The following PLSCR4 variants were observed in gnomAD, a reference collection of about 807,000 sequenced individuals.
PLSCR4 encodes phospholipid scramblase 4.
In PLSCR4, 25 loss-of-function variants were observed where a neutral mutation model predicts 36.3. The observed-to-expected ratio is 0.69, with a 90% CI of 0.50 to 0.96. The LOEUF is 0.96. PLSCR4 is among the 40% of genes least tolerant of loss of function. PLSCR4 has a pLI of 0.00. For missense variants in PLSCR4, 408 were observed against 414.7 expected, an observed-to-expected ratio of 0.98 and a Z score of 0.14; for synonymous variants, 122 against 132.9, an observed-to-expected ratio of 0.92 and a Z score of 0.56.
At chr3:146,233,371 T>C (rs1474639930) in intron 1 of PLSCR4, among the ~76,000 whole-genome samples, 1 of 152,136 alleles carries the variant, frequency 6.6e-6, no homozygotes, top group Non-Finnish European at 1.5e-5. Flanking sequence ...ACAGTCATAT[T>C]TCAAAATTTT....
At chr3:146,203,266 G>T (rs977445852) in intron 4 of PLSCR4, among the ~76,000 whole-genome samples, 7 of 152,010 alleles carry the variant, frequency 4.6e-5, no homozygotes, top group African/African-American at 1.7e-4. Flanking sequence ...CTGCAGAATG[G>T]ATGTTGTGTT....
intron 6 of PLSCR4, among the ~76,000 whole-genome samples, chr3:146,197,031 T>C (rs148792275): frequency 9.7e-4 from 147 of 152,250 alleles, no homozygotes; most frequent in Middle Eastern, 6.8e-3. Context: ...TTAGGGCTTG[T>C]TACATAATGG....
Position 146,247,626 on chromosome 3 carries a change from T to C in PLSCR4, c.-22+3334A>G, listed in dbSNP as rs376390140. 2.8e-4 allele frequency among the ~76,000 whole-genome samples: 43 copies of C among 152,282 alleles called. No homozygotes were observed. In the South Asian group the frequency reaches 8.9e-3, roughly 32 times the overall value. On this transcript the variant is annotated intron_variant, in intron 1 of 8. Transcript: ENST00000354952. ...ATTTGTCTTCACTGCATTTTTGTCATGCAGTTTTATTTTTGAGGCAGGGTC... is the reference window on the plus strand; with the variant it reads ...ATTTGTCTTCACTGCATTTTTGTCACGCAGTTTTATTTTTGAGGCAGGGTC...
intron 8 of PLSCR4, 83 bp from the exon 9 acceptor site, chr3:146,194,538 G>A (rs2033608827): frequency 6.0e-6 from 5 of 832,876 alleles, no homozygotes. Context: ...AATTTATTAG[G>A]GGATTCCCCC....
At chr3:146,216,167 G>T (rs927907915) in intron 3 of PLSCR4, among the ~76,000 whole-genome samples, 6 of 152,122 alleles carry the variant, frequency 3.9e-5, no homozygotes, top group African/African-American at 1.4e-4. Flanking sequence ...GGAAGCGGAG[G>T]TTACAGTTAG....
chr3:146,248,206 C>T (rs572516788), intron 1 of PLSCR4, among the ~76,000 whole-genome samples: 1 of 151,916 alleles, frequency 6.6e-6, no homozygotes, highest in African/African-American at 2.4e-5. Flanking sequence ...AAAGAGGACA[C>T]TTATAAAAGA....
At position 146,200,448 on chromosome 3, in the gene PLSCR4, A is replaced by T. The variant is rs748700166; in HGVS notation, c.398-409T>A. ...TTACTAATTACAAACAAGAGAACAA[A>T]CCAAGAAAAGTCAAAGGCCCTATGT... On this transcript the variant is annotated intron_variant, in intron 5 of 8. Coordinates refer to ENST00000354952, the MANE Select transcript of PLSCR4 (RefSeq NM_020353.3). 4.3e-4 allele frequency among the ~76,000 whole-genome samples: 66 copies of T among 152,102 alleles called. 1 individual carries two copies. Among genetic ancestry groups the T allele is most frequent in the Non-Finnish European group, 7.2e-4 (49 of 68,002 alleles).
Position 146,221,452 on chromosome 3 carries a change from A to T in PLSCR4, c.8-527T>A, listed in dbSNP as rs577202111. 3.3e-5 allele frequency among the ~76,000 whole-genome samples: 5 copies of T among 152,276 alleles called. 1 individual carries two copies. The South Asian group carries it at 1.0e-3, about 32-fold the overall frequency. On this transcript the variant is annotated intron_variant, in intron 2 of 8. Transcript: ENST00000354952. The stretch of plus-strand genomic sequence containing the variant: ...TACATCTCCAGTGACTCACATTTTC[A>T]CTGTATTCTTTCTAAAAGCAATCTA...
chr3:146,236,700 G>A (rs1394076632), intron 1 of PLSCR4, among the ~76,000 whole-genome samples: 2 of 152,072 alleles, frequency 1.3e-5, no homozygotes. Context: ...ATGTGGAACC[G>A]TAAGACCGTT....
chr3:146,205,929 T>C (rs950935431), intron 4 of PLSCR4, among the ~76,000 whole-genome samples: 3 of 152,134 alleles, frequency 2.0e-5, no homozygotes, highest in African/African-American at 7.2e-5. Flanking sequence ...ACCCCAGTTT[T>C]TGATCTGCAT....
At chr3:146,244,668 C>A (rs1277525225) in intron 1 of PLSCR4, among the ~76,000 whole-genome samples, 1 of 152,006 alleles carries the variant, frequency 6.6e-6, no homozygotes, top group Non-Finnish European at 1.5e-5. Flanking sequence ...AACTATTCTC[C>A]CATCTCTCCC....
chr3:146,197,902 A>G (rs115744442), intron 6 of PLSCR4, among the ~76,000 whole-genome samples: 1,621 of 152,282 alleles, frequency 0.011, 18 homozygotes, highest in African/African-American at 0.035. Flanking sequence ...ATTTGAGAGT[A>G]TCATAGAGCT....
At chr3:146,213,532 A>G (rs2034734034) in intron 3 of PLSCR4, among the ~76,000 whole-genome samples, 1 of 152,114 alleles carries the variant, frequency 6.6e-6, no homozygotes, top group Non-Finnish European at 1.5e-5. Context: ...CATGTTGGTC[A>G]GGCTGGTCTC....
chr3:146,196,865 C>A, intron 6 of PLSCR4, 72 bp from the exon 7 acceptor site: 2 of 1,307,556 alleles, frequency 1.5e-6, no homozygotes, highest in Non-Finnish European at 2.2e-6. Flanking sequence ...CGCACATACA[C>A]AATCTAGATG....
intron 1 of PLSCR4, among the ~76,000 whole-genome samples, chr3:146,224,650 GA>G (rs1304743930): frequency 1.3e-5 from 2 of 151,908 alleles, no homozygotes; most frequent in African/African-American, 4.8e-5. Flanking sequence ...AACAGCAAAA[GA>G]AAAAAAGCTT....
At chr3:146,228,015 G>A (rs1348538770) in intron 1 of PLSCR4, among the ~76,000 whole-genome samples, 3 of 152,178 alleles carry the variant, frequency 2.0e-5, no homozygotes, top group Non-Finnish European at 4.4e-5. Flanking sequence ...ATGGACAGTG[G>A]TCCAGAGTGG....
chr3:146,202,705 G>C (rs2034113890), intron 4 of PLSCR4, among the ~76,000 whole-genome samples: 1 of 152,004 alleles, frequency 6.6e-6, no homozygotes, highest in African/African-American at 2.4e-5. Flanking sequence ...TACCACAGTA[G>C]AACTTCCTTC....
At position 146,206,530 on chromosome 3, in the gene PLSCR4, A is replaced by C; in HGVS notation, c.350T>G (p.Val117Gly). 1 of 1,596,242 alleles carries C rather than the reference A, an allele frequency of 6.3e-7. No homozygotes were observed. Among genetic ancestry groups the C allele is most frequent in the African/African-American group, 1.3e-5 (1 of 74,666 alleles). ...ANCPPGLEYLVQLDNIHVLQH... is the reference protein window; with the variant it reads ...ANCPPGLEYLGQLDNIHVLQH... ...ATTTGTATTTTCATGGAGTACCTGA[A>C]CTAAGTATTCCAGACCAGGAGGGCA... The change falls in exon 4 of 9, where the codon GTT becomes GGT. Residue 117 changes from valine (V) to glycine (G), a missense_variant. Coordinates refer to ENST00000354952, the MANE Select transcript of PLSCR4 (RefSeq NM_020353.3).
intron 1 of PLSCR4, among the ~76,000 whole-genome samples, chr3:146,238,694 A>G (rs1037990820): frequency 1.3e-5 from 2 of 152,116 alleles, no homozygotes; most frequent in African/African-American, 4.8e-5. Context: ...GTCATACTCA[A>G]CAGAGAAAGA....
Sources: gnomAD v4.1 joint callset for allele counts (sites outside exome capture counted in the v4.1 genomes callset) on GRCh38, gnomAD v4.1.1 for gene constraint, MANE v1.5 for transcripts, NCBI Gene and HGNC (gene_info 2026-07-23, HGNC 2026-07-21) for gene names.